The following ZNF827 variants were observed in gnomAD, a reference collection of about 807,000 sequenced individuals.
The protein encoded by ZNF827 is zinc finger protein 827.
Under a neutral mutation model 102.4 loss-of-function variants are expected in ZNF827, and 13 were observed. That is an observed-to-expected ratio of 0.13 (90% CI 0.08 to 0.20). The LOEUF (loss-of-function observed/expected upper bound fraction) is 0.20. Among genes scored for constraint, ZNF827 ranks in the 10% least tolerant of loss-of-function variants. The probability of loss-of-function intolerance (pLI) is 1.00; values close to 1 mark genes in which losing one functional copy is unlikely to be tolerated. For synonymous variants in ZNF827, 523 were observed against 536.2 expected (o/e 0.98, Z 0.34); for missense variants, 1,103 against 1,344.4 (o/e 0.82, Z 2.81).
At position 145,843,985 on chromosome 4, in the gene ZNF827, T is replaced by A. The variant is rs557008227; in HGVS notation, c.2279+1971A>T. Among the ~76,000 whole-genome samples the A allele has an allele frequency of 1.8e-3, 272 of 152,282 alleles. 1 individual carries two copies. The highest frequency in any genetic ancestry group is 6.8e-3 in the Middle Eastern group (2 of 294). ...TCAATAAAGCACTTCCACGAGAATC[T>A]CCATCTCTAGGGGACTTAACCTATA... is the stretch of plus-strand genomic sequence containing the variant. On this transcript the variant is annotated intron_variant, in intron 7 of 14. Transcript: ENST00000508784.
intron 4 of ZNF827, among the ~76,000 whole-genome samples, chr4:145,884,794 T>C (rs905870640): frequency 9.2e-5 from 14 of 152,158 alleles, no homozygotes; most frequent in African/African-American, 3.4e-4. Context: ...TAAGAATACA[T>C]CTTTATAATT....
intron 4 of ZNF827, 30 bp downstream of exon 4, chr4:145,885,648 G>C: frequency 7.0e-7 from 1 of 1,437,478 alleles, no homozygotes; most frequent in Non-Finnish European, 9.2e-7. Flanking sequence ...GAGAGAGAGA[G>C]AGAGAGAGAA....
intron 7 of ZNF827, among the ~76,000 whole-genome samples, chr4:145,834,585 G>A (rs1037447528): frequency 7.9e-5 from 12 of 152,102 alleles, no homozygotes; most frequent in African/African-American, 2.9e-4. Context: ...TAAAAAGGTG[G>A]CTGGAGCTAA....
intron 8 of ZNF827, among the ~76,000 whole-genome samples, chr4:145,807,685 T>G (rs1340303615): frequency 2.6e-5 from 4 of 151,068 alleles, no homozygotes; most frequent in African/African-American, 4.9e-5. Context: ...TTGGCCAGGC[T>G]GGTCTTGAAC....
intron 4 of ZNF827, 27 bp downstream of exon 4, chr4:145,885,646 GAGAGA>G: frequency 3.4e-6 from 5 of 1,471,882 alleles, no homozygotes; most frequent in South Asian, 1.4e-5. Context: ...GAGAGAGAGA[GAGAGA>G]GAGAGAATAC....
At chr4:145,850,073 G>C (rs1207676388) in intron 5 of ZNF827, among the ~76,000 whole-genome samples, 3 of 151,268 alleles carry the variant, frequency 2.0e-5, no homozygotes, top group Admixed American at 6.6e-5. Flanking sequence ...GCAATGGTGC[G>C]ATGTGGGCTC....
intron 8 of ZNF827, among the ~76,000 whole-genome samples, chr4:145,791,002 T>C (rs888831870): frequency 6.6e-6 from 1 of 152,246 alleles, no homozygotes; most frequent in African/African-American, 2.4e-5. Flanking sequence ...TGTTTTTATA[T>C]GATGGGAGTT....
chr4:145,791,026 T>A (rs2127054183), intron 8 of ZNF827, among the ~76,000 whole-genome samples: 1 of 152,342 alleles, frequency 6.6e-6, no homozygotes, highest in South Asian at 2.1e-4. Context: ...GTTTGTTGGT[T>A]TATGTAATTA....
intron 5 of ZNF827, among the ~76,000 whole-genome samples, chr4:145,864,197 C>T (rs1747977167): frequency 6.6e-6 from 1 of 151,828 alleles, no homozygotes; most frequent in African/African-American, 2.4e-5. Flanking sequence ...CACACACACA[C>T]GCATACATAC....
chr4:145,761,844 G>A lies in ZNF827; in HGVS notation c.*18-246C>T, dbSNP rs1734555633. Among the ~76,000 whole-genome samples the A allele has an allele frequency of 6.6e-6, 1 of 152,182 alleles. No homozygotes were observed. Among genetic ancestry groups the A allele is most frequent in the African/African-American group, 2.4e-5 (1 of 41,442 alleles). Reference sequence around the variant, plus strand: ...CGCTCAGCCTATTCTGGGTCTCTTGGCCGATACAGGCAAGGCCAGCCCTCA... The same window carrying A: ...CGCTCAGCCTATTCTGGGTCTCTTGACCGATACAGGCAAGGCCAGCCCTCA... On this transcript the variant is annotated intron_variant, in intron 14 of 14. Coordinates refer to ENST00000508784, the MANE Select transcript of ZNF827 (RefSeq NM_001306215.2). The surrounding 1 kb of genome is among the most constrained non-coding windows in gnomAD (Gnocchi z 6.8).
chr4:145,834,136 T>G (rs1744567093), intron 7 of ZNF827, among the ~76,000 whole-genome samples: 1 of 152,162 alleles, frequency 6.6e-6, no homozygotes, highest in African/African-American at 2.4e-5. Context: ...CAATACAAAC[T>G]CGACAGTAGT....
intron 7 of ZNF827, among the ~76,000 whole-genome samples, chr4:145,835,610 C>T (rs1319117146): frequency 6.7e-6 from 1 of 150,250 alleles, no homozygotes; most frequent in Non-Finnish European, 1.5e-5. Context: ...CCTTTGCGTC[C>T]TCCTCTTGTA....
chr4:145,839,063 G>T (rs1160216709), intron 7 of ZNF827: 2 of 152,176 alleles, frequency 1.3e-5, no homozygotes, highest in South Asian at 2.1e-4. Context: ...TATTGTAGAA[G>T]AAAAATACAG....
At chr4:145,812,819 C>T (rs116741295) in intron 8 of ZNF827, among the ~76,000 whole-genome samples, 2,442 of 152,282 alleles carry the variant, frequency 0.016, 57 homozygotes, top group African/African-American at 0.055. Context: ...TGAGCCACCA[C>T]GCCTGACCTA....
intron 7 of ZNF827, chr4:145,835,436 G>A (rs570313196): frequency 6.6e-6 from 1 of 151,042 alleles, no homozygotes; most frequent in Non-Finnish European, 1.5e-5. Flanking sequence ...CCCCAACTCT[G>A]GTGCCAACTT....
At chr4:145,780,067 T>C (rs1737747328) in intron 8 of ZNF827, among the ~76,000 whole-genome samples, 1 of 152,180 alleles carries the variant, frequency 6.6e-6, no homozygotes, top group African/African-American at 2.4e-5. Context: ...GGCGGGTGCC[T>C]GTAATCCCAG....
At chr4:145,818,781 C>T (rs1320045906) in intron 8 of ZNF827, among the ~76,000 whole-genome samples, 1 of 152,118 alleles carries the variant, frequency 6.6e-6, no homozygotes, top group East Asian at 1.9e-4. Flanking sequence ...TCACTTCTGA[C>T]CAGGGGTGTG....
chr4:145,875,707 A>C (rs1007353586), intron 4 of ZNF827, among the ~76,000 whole-genome samples: 4 of 152,128 alleles, frequency 2.6e-5, no homozygotes, highest in African/African-American at 9.7e-5. Flanking sequence ...ACGTATGGCA[A>C]TTTTATAAAT....
intron 1 of ZNF827, among the ~76,000 whole-genome samples, chr4:145,911,585 C>T (rs1752298647): frequency 6.6e-6 from 1 of 152,150 alleles, no homozygotes; most frequent in Non-Finnish European, 1.5e-5. Context: ...TGTACGATAT[C>T]AAAAACTATT....
Sources: allele counts gnomAD v4.1 joint callset (sites outside exome capture counted in the v4.1 genomes callset), GRCh38; gene constraint gnomAD v4.1.1; non-coding constraint Gnocchi (gnomAD v3.1); transcripts MANE v1.5; gene names NCBI Gene and HGNC (gene_info 2026-07-23, HGNC 2026-07-21).